The following SIMC1 variants were observed in gnomAD, a reference collection of about 807,000 sequenced individuals.
SIMC1 encodes SUMO interacting motifs containing 1.
Under a neutral mutation model 82.3 loss-of-function variants are expected in SIMC1, and 55 were observed. The observed-to-expected ratio is 0.67, with a 90% confidence interval of 0.54 to 0.84. The LOEUF (loss-of-function observed/expected upper bound fraction) is 0.84. Ranked by LOEUF, SIMC1 falls within the 40% of genes least tolerant of loss-of-function variation. The pLI, the probability that SIMC1 is intolerant of heterozygous loss-of-function variation, is 0.00. For synonymous variants in SIMC1, 353 were observed against 426.3 expected, an observed-to-expected ratio of 0.83 and a Z score of 2.12; for missense variants, 915 against 1,107.2, an observed-to-expected ratio of 0.83 and a Z score of 2.46.
chr5:176,334,918 A>T (rs1470472378), intron 7 of SIMC1, among the ~76,000 whole-genome samples: 1 of 151,806 alleles, frequency 6.6e-6, no homozygotes, highest in Non-Finnish European at 1.5e-5. Flanking sequence ...ATGGTGAAAC[A>T]TGTCTCTACT....
chr5:176,280,621 G>A (rs577066592), intron 1 of SIMC1, among the ~76,000 whole-genome samples: 17 of 152,048 alleles, frequency 1.1e-4, no homozygotes, highest in African/African-American at 2.9e-4. Context: ...GCTCTTGTAC[G>A]GCAGGCCTGG....
At chr5:176,305,876 C>G (rs1240948339) in intron 4 of SIMC1, among the ~76,000 whole-genome samples, 1 of 82,428 alleles carries the variant, frequency 1.2e-5, no homozygotes. Flanking sequence ...CCCCCCTGCC[C>G]GGCCAGCCGC....
chr5:176,331,348 C>T (rs1462278325), intron 7 of SIMC1, among the ~76,000 whole-genome samples: 3 of 141,450 alleles, frequency 2.1e-5, no homozygotes, highest in East Asian at 2.2e-4. Flanking sequence ...CCAGCCTGGG[C>T]GACAGAGCGA....
intron 4 of SIMC1, chr5:176,308,570 C>G: frequency 6.3e-7 from 1 of 1,591,466 alleles, no homozygotes; most frequent in East Asian, 2.2e-5. Flanking sequence ...GCCGGGTACT[C>G]TACACTTGCT....
rs935500965 is a variant in SIMC1, at chr5:176,276,924, T to G, written c.130-12730T>G. Among the ~76,000 whole-genome samples, 6 of 150,700 alleles carry G rather than the reference T, an allele frequency of 4.0e-5. 1 individual carries two copies. Among genetic ancestry groups the G allele is most frequent in the African/African-American group, 7.3e-5 (3 of 40,880 alleles). On this transcript the variant is annotated intron_variant, in intron 1 of 9. Transcript: ENST00000429602. ...AGTAAACATACGTGTACATGTGTCT[T>G]TATAGCAGCATGATTTATAGTCCTT...
intron 9 of SIMC1, among the ~76,000 whole-genome samples, chr5:176,342,344 C>T (rs550843683): frequency 1.3e-5 from 2 of 152,258 alleles, no homozygotes; most frequent in South Asian, 4.1e-4. Flanking sequence ...CCTACCCTAC[C>T]TTCCAATCTC....
chr5:176,296,020 T>TA, intron 3 of SIMC1: 2 of 720,464 alleles, frequency 2.8e-6, no homozygotes, highest in Non-Finnish European at 4.5e-6. Flanking sequence ...GTTGGTTTCT[T>TA]AAGACAAAAT....
In SIMC1 at chr5:176,303,803, C is replaced by G. The variant is rs193048585; in HGVS notation, c.1734+7483C>G. On this transcript the variant is annotated intron_variant, in intron 4 of 9. Coordinates refer to ENST00000429602, the MANE Select transcript of SIMC1 (RefSeq NM_001308195.2). ...GTGATCTTCATTAAGGGTGCTAAGA[C>G]GACTCAGTGGTGAAAAGACAGTCTC... Among the ~76,000 whole-genome samples the G allele has an allele frequency of 1.3e-3, 194 of 152,278 alleles. 1 individual carries two copies. The highest frequency in any genetic ancestry group is 4.5e-3 in the African/African-American group (188 of 41,564).
chr5:176,253,579 T>C (rs189511791), intron 1 of SIMC1, among the ~76,000 whole-genome samples: 3 of 152,166 alleles, frequency 2.0e-5, no homozygotes, highest in African/African-American at 7.2e-5. Flanking sequence ...TCTCATTCCA[T>C]GTTGTAGGGA....
chr5:176,296,153 G>A (rs139386252), intron 3 of SIMC1, 98 bp from the exon 4 acceptor site: 20 of 1,590,670 alleles, frequency 1.3e-5, no homozygotes, highest in Non-Finnish European at 1.7e-5. Flanking sequence ...GAGGATAATG[G>A]AGGATAGGAA....
At chr5:176,297,888 G>A in intron 4 of SIMC1, among the ~76,000 whole-genome samples, 1 of 152,158 alleles carries the variant, frequency 6.6e-6, no homozygotes, top group Non-Finnish European at 1.5e-5. Flanking sequence ...ATTTAATCCA[G>A]GAGAGTATTG....
intron 4 of SIMC1, among the ~76,000 whole-genome samples, chr5:176,302,079 G>A (rs1333252795): frequency 6.6e-6 from 1 of 152,068 alleles, no homozygotes; most frequent in African/African-American, 2.4e-5. Flanking sequence ...TATATAAATA[G>A]TTGTTATACT....
At chr5:176,256,897 C>T (rs560330496) in intron 1 of SIMC1, among the ~76,000 whole-genome samples, 121 of 152,238 alleles carry the variant, frequency 7.9e-4, no homozygotes, top group African/African-American at 2.9e-3. Flanking sequence ...CAAACACCAC[C>T]ATGCCTGGCT....
intron 2 of SIMC1, among the ~76,000 whole-genome samples, chr5:176,292,696 A>G (rs368783877): frequency 1.3e-5 from 2 of 152,224 alleles, no homozygotes; most frequent in East Asian, 3.9e-4. Context: ...GGTGCCCGCT[A>G]CCACTTCCGG....
At position 176,295,117 on chromosome 5, in the gene SIMC1, G is replaced by A. The variant is rs746485306; in HGVS notation, c.1519G>A (p.Val507Met). Residue 507 changes from valine (V) to methionine (M), a missense_variant, in exon 3 of 10, where the codon GTG becomes ATG. By Grantham distance (21) the Val-to-Met change is conservative (BLOSUM62 1). Coordinates refer to ENST00000429602, the MANE Select transcript of SIMC1 (RefSeq NM_001308195.2). The stretch of plus-strand genomic sequence containing the variant: ...TGAAGAGAATTTTCCTCTGGGGACT[G>A]TGCAGTTTTTGATGGACTTTGTGTC... ...TIEENFPLGT[V>M]QFLMDFVSPQ... 1 of 1,613,518 alleles carries A rather than the reference G, an allele frequency of 6.2e-7. No homozygotes were observed. Among genetic ancestry groups the A allele is most frequent in the Non-Finnish European group, 8.5e-7 (1 of 1,179,692 alleles).
chr5:176,308,112 A>G, intron 4 of SIMC1: 5 of 858,410 alleles, frequency 5.8e-6, no homozygotes, highest in Non-Finnish European at 9.9e-6. Flanking sequence ...CTAGAGTCTG[A>G]CACTTTCCTT....
chr5:176,322,326 C>T lies in SIMC1; in HGVS notation c.1943C>T (p.Pro648Leu), dbSNP rs1765201367. The change falls in exon 6 of 10, where the codon CCC (proline) becomes CTC (leucine). Residue 648 changes from proline (P) to leucine (L), a missense_variant. Pro to Leu is a moderately conservative substitution (Grantham distance 98). Around this residue, in one of 2 missense-constraint regions of SIMC1, gnomAD observed 902 missense variants for 1,040.3 expected, o/e 0.87. Transcript: ENST00000429602. ...GTAACTGAAGATGGATTGACTCAGCCCCCAAATGGAAATCAAACGTCTTCA... is the reference window on the plus strand; with the variant it reads ...GTAACTGAAGATGGATTGACTCAGCTCCCAAATGGAAATCAAACGTCTTCA... ...KAVTEDGLTQPPNGNQTSSGT... is the reference protein window; with the variant it reads ...KAVTEDGLTQLPNGNQTSSGT... The T allele has an allele frequency of 6.3e-7, 1 of 1,588,110 alleles. No individual in the cohort carries two copies. The highest frequency in any genetic ancestry group is 8.6e-7 in the Non-Finnish European group (1 of 1,166,924).
intron 1 of SIMC1, chr5:176,270,370 T>C (rs2113173769): frequency 6.6e-6 from 1 of 152,172 alleles, no homozygotes. Flanking sequence ...ATGATGGAAA[T>C]CTGAAATTCT....
chr5:176,341,202 A>G (rs1169596341), intron 9 of SIMC1, among the ~76,000 whole-genome samples: 1 of 152,210 alleles, frequency 6.6e-6, no homozygotes, highest in Non-Finnish European at 1.5e-5. Context: ...AAATGGGGAG[A>G]CAAGAGTTTT....
Sources: gnomAD v4.1 joint callset for allele counts (sites outside exome capture counted in the v4.1 genomes callset) on GRCh38, gnomAD v4.1.1 for gene constraint, gnomAD v4.1.1 regional missense constraint, MANE v1.5 for transcripts, NCBI Gene and HGNC (gene_info 2026-07-23, HGNC 2026-07-21) for gene names.